Variants in SLC25A37 observed in about 807,000 individuals in gnomAD.
The protein encoded by SLC25A37 is mitoferrin-1.
SLC25A37 carries 17 observed loss-of-function variants against 31.0 expected under a neutral mutation model. That is an observed-to-expected ratio of 0.55 (90% CI 0.38 to 0.82). The LOEUF (loss-of-function observed/expected upper bound fraction) is 0.82, where lower values mean the gene tolerates loss of function less well. Among genes scored for constraint, SLC25A37 ranks in the 40% least tolerant of loss-of-function variants. SLC25A37 has a pLI of 0.00. For synonymous variants in SLC25A37, 222 were observed against 193.0 expected (o/e 1.15, Z -1.24); for missense variants, 404 against 465.8 (o/e 0.87, Z 1.22).
At chr8:23,536,578 C>T (rs1801773556) in intron 1 of SLC25A37, among the ~76,000 whole-genome samples, 1 of 152,164 alleles carries the variant, frequency 6.6e-6, no homozygotes. Context: ...CCTCCTGGGA[C>T]CTGATGGCTC....
Position 23,571,788 on chromosome 8 carries a change from GGTCT to G in SLC25A37, c.955_958del (p.Val319MetfsTer29). On this transcript the variant is annotated frameshift_variant, in exon 4 of 4. Transcript: ENST00000519973. LOFTEE classifies it high-confidence loss of function. Reference sequence around the variant, plus strand: ...CAGATGCCCTCCACCGCCATTTCTTGGTCTGTCTATGAGTTCTTCAAGTACTTTC... The same window carrying G: ...CAGATGCCCTCCACCGCCATTTCTTGGTCTATGAGTTCTTCAAGTACTTTC... The G allele has an allele frequency of 1.2e-6, 2 of 1,613,994 alleles. No individual in the cohort carries two copies. The highest frequency in any genetic ancestry group is 2.2e-5 in the East Asian group (1 of 44,878).
rs145820620 is a variant in SLC25A37, at chr8:23,538,883, A to G, written c.210+9671A>G. The stretch of plus-strand genomic sequence containing the variant: ...GCCGTCTTGCAGGTCTAGAGCCTAC[A>G]GGGTAGCGTCATTCTAGTTTCTTTG... On this transcript the variant is annotated intron_variant, in intron 1 of 3. Coordinates refer to ENST00000519973, the MANE Select transcript of SLC25A37 (RefSeq NM_016612.4). Among the ~76,000 whole-genome samples, 565 of 152,282 alleles carry G rather than the reference A, an allele frequency of 3.7e-3. 3 individuals carry two copies. The highest frequency in any genetic ancestry group is 5.7e-3 in the Non-Finnish European group (389 of 68,020).
In SLC25A37 at chr8:23,564,936, C is replaced by T. The variant is rs1331148013; in HGVS notation, c.211-1172C>T. 6.6e-5 allele frequency among the ~76,000 whole-genome samples: 10 copies of T among 152,012 alleles called. No homozygotes were observed. In the East Asian group the frequency reaches 1.5e-3, roughly 23 times the overall value. On this transcript the variant is annotated intron_variant, in intron 1 of 3. Transcript: ENST00000519973. ...CCTACCTATCTGTCTGATCTACCTA[C>T]CTACGTACCTACCTACTTAGAAATT...
intron 1 of SLC25A37, among the ~76,000 whole-genome samples, chr8:23,545,460 T>C (rs1246785382): frequency 6.6e-6 from 1 of 152,196 alleles, no homozygotes; most frequent in Non-Finnish European, 1.5e-5. Flanking sequence ...AGACAGAAGC[T>C]CTTGGATCTC....
At position 23,529,109 on chromosome 8, in the gene SLC25A37, A is replaced by G; in HGVS notation, c.107A>G (p.Tyr36Cys). ...AAGGACGCCACCGGGTCGGAGGACT[A>G]CGAGAACCTGCCGACTAGCGCCTCC... Reference protein sequence around the residue: ...GGKDATGSEDYENLPTSASVS... With the variant: ...GGKDATGSEDCENLPTSASVS... Residue 36 changes from tyrosine (Y) to cysteine (C), a missense_variant, in exon 1 of 4, where the codon TAC (tyrosine) becomes TGC (cysteine). Transcript: ENST00000519973. The surrounding 1 kb of genome is among the most constrained non-coding windows in gnomAD (Gnocchi z 4.1). 1.2e-6 allele frequency: 2 copies of G among 1,610,460 alleles called. No homozygotes were observed. The highest frequency in any genetic ancestry group is 8.5e-7 in the Non-Finnish European group (1 of 1,178,914).
At chr8:23,538,626 C>T (rs17089335) in intron 1 of SLC25A37, among the ~76,000 whole-genome samples, 5,505 of 151,884 alleles carry the variant, frequency 0.036, 156 homozygotes, top group East Asian at 0.073. Flanking sequence ...TCATGTCATT[C>T]CACGTTTCCT....
At chr8:23,538,372 C>T in intron 1 of SLC25A37, among the ~76,000 whole-genome samples, 1 of 96,338 alleles carries the variant, frequency 1.0e-5, no homozygotes, top group Non-Finnish European at 1.8e-5. Context: ...CAGAGCGAGA[C>T]TTCATCTCAA....
intron 2 of SLC25A37, 91 bp downstream of exon 2, chr8:23,566,427 G>A: frequency 6.6e-7 from 1 of 1,505,062 alleles, no homozygotes; most frequent in African/African-American, 1.4e-5. Flanking sequence ...CAGCCGCCTC[G>A]ACTTCGGCCC....
At chr8:23,545,875 G>A (rs565409682) in intron 1 of SLC25A37, among the ~76,000 whole-genome samples, 3 of 152,232 alleles carry the variant, frequency 2.0e-5, no homozygotes, top group African/African-American at 7.2e-5. Flanking sequence ...GGTGGCTCAT[G>A]CCTGTAATTC....
chr8:23,530,950 G>A (rs535850947), intron 1 of SLC25A37, among the ~76,000 whole-genome samples: 2 of 152,288 alleles, frequency 1.3e-5, no homozygotes, highest in East Asian at 3.9e-4. Flanking sequence ...CCCCATACAT[G>A]TTGATATGTT....
chr8:23,551,454 G>A (rs551051269), intron 1 of SLC25A37, among the ~76,000 whole-genome samples: 1 of 152,190 alleles, frequency 6.6e-6, no homozygotes, highest in South Asian at 2.1e-4. Flanking sequence ...CCAGTGTTGT[G>A]TCTAGTGAGT....
chr8:23,569,427 A>ACACACACACACACACT (rs1182003929), intron 3 of SLC25A37, among the ~76,000 whole-genome samples: 5 of 151,154 alleles, frequency 3.3e-5, no homozygotes, highest in African/African-American at 1.2e-4. Context: ...ACACACACAC[A>ACACACACACACACACT]CTCACTCTCT....
intron 1 of SLC25A37, among the ~76,000 whole-genome samples, chr8:23,544,943 C>T (rs1279892729): frequency 6.6e-6 from 1 of 152,158 alleles, no homozygotes; most frequent in African/African-American, 2.4e-5. Context: ...ACTAAGGACC[C>T]GAGGAGGGTG....
In SLC25A37 at chr8:23,551,957, C is replaced by G. The variant is rs57742967; in HGVS notation, c.211-14151C>G. Among the ~76,000 whole-genome samples the G allele has an allele frequency of 9.3e-3, 1,422 of 152,300 alleles. 26 individuals are homozygous for G. The highest frequency in any genetic ancestry group is 0.03 in the African/African-American group (1,248 of 41,558). ...TGACCTGGAGTTCCCAACACCAGTGCCCTGTGGCTGGTAGCCTCCTCCTGG... is the reference window on the plus strand; with the variant it reads ...TGACCTGGAGTTCCCAACACCAGTGGCCTGTGGCTGGTAGCCTCCTCCTGG... On this transcript the variant is annotated intron_variant, in intron 1 of 3. Coordinates refer to ENST00000519973, the MANE Select transcript of SLC25A37 (RefSeq NM_016612.4).
intron 1 of SLC25A37, among the ~76,000 whole-genome samples, chr8:23,551,102 T>G (rs1435407256): frequency 1.3e-5 from 2 of 152,238 alleles, no homozygotes; most frequent in African/African-American, 2.4e-5. Context: ...ACTTCAGCAC[T>G]GGTCAAAGGT....
intron 2 of SLC25A37, chr8:23,567,268 G>A (rs1054957412): frequency 6.6e-6 from 1 of 152,084 alleles, no homozygotes; most frequent in Non-Finnish European, 1.5e-5. Flanking sequence ...TTGGTCATAA[G>A]TGTGCCTGGC....
intron 1 of SLC25A37, chr8:23,541,532 C>T: frequency 6.6e-6 from 1 of 152,430 alleles, no homozygotes; most frequent in Non-Finnish European, 1.5e-5. Flanking sequence ...CCCCACGGTG[C>T]CCATCTTGAG....
In SLC25A37 at chr8:23,573,193, C is replaced by G. The variant is rs1004227747; in HGVS notation, c.*1338C>G. ...CTGAGGTCTGACCTGGACCCTCATG[C>G]CCGAGTCGGAAGACCCCTCTCCAGA... On this transcript the variant is annotated 3_prime_UTR_variant, in exon 4 of 4. Transcript: ENST00000519973. The G allele has an allele frequency of 6.6e-6, 1 of 152,576 alleles. No homozygotes were observed. Among genetic ancestry groups the G allele is most frequent in the Non-Finnish European group, 1.5e-5 (1 of 68,312 alleles). The allele number at this position is 152,576 out of a possible 1,614,324, so 9.5% of individuals were successfully genotyped here.
chr8:23,541,026 G>T (rs1217255233), intron 1 of SLC25A37, among the ~76,000 whole-genome samples: 3 of 152,202 alleles, frequency 2.0e-5, no homozygotes, highest in Admixed American at 6.5e-5. Context: ...GCAGCTGCCT[G>T]GCCTTGGGCA....
Sources: allele counts gnomAD v4.1 joint callset (sites outside exome capture counted in the v4.1 genomes callset), GRCh38; gene constraint gnomAD v4.1.1; non-coding constraint Gnocchi (gnomAD v3.1); transcripts MANE v1.5; gene names NCBI Gene and HGNC (gene_info 2026-07-23, HGNC 2026-07-21).